EXOC6: variants seen among roughly 807,000 people sequenced by gnomAD.
EXOC6 encodes the protein exocyst complex component 6.
EXOC6 carries 60 observed loss-of-function variants against 112.5 expected under a neutral mutation model. The observed-to-expected ratio is 0.53, with a 90% CI of 0.43 to 0.66. The LOEUF (loss-of-function observed/expected upper bound fraction) is 0.66, where lower values mean the gene tolerates loss of function less well. Among genes scored for constraint, EXOC6 ranks in the 30% least tolerant of loss-of-function variants. EXOC6 has a pLI of 0.00. For synonymous variants in EXOC6, 295 were observed against 308.0 expected (o/e 0.96, Z 0.44); for missense variants, 855 against 957.1 (o/e 0.89, Z 1.41).
intron 20 of EXOC6, among the ~76,000 whole-genome samples, chr10:93,048,140 G>A (rs890352966): frequency 5.3e-5 from 8 of 152,222 alleles, no homozygotes; most frequent in Admixed American, 1.3e-4. Context: ...TGGAGGGATA[G>A]CATTAGGAGA....
chr10:92,907,614 A>G (rs1850517147), intron 5 of EXOC6, among the ~76,000 whole-genome samples: 1 of 152,242 alleles, frequency 6.6e-6, no homozygotes, highest in South Asian at 2.1e-4. Flanking sequence ...AGACATTAGC[A>G]TGAATTTTCA....
At chr10:92,854,514 A>G (rs1847506085) in intron 1 of EXOC6, among the ~76,000 whole-genome samples, 1 of 151,934 alleles carries the variant, frequency 6.6e-6, no homozygotes, top group Non-Finnish European at 1.5e-5. Flanking sequence ...CTGCTGTGGG[A>G]ATTCCATAAA....
chr10:92,921,930 T>A (rs531104857), intron 8 of EXOC6, among the ~76,000 whole-genome samples: 1 of 152,174 alleles, frequency 6.6e-6, no homozygotes, highest in African/African-American at 2.4e-5. Context: ...TAACCAAAAA[T>A]TATTTGGTAA....
intron 20 of EXOC6, among the ~76,000 whole-genome samples, chr10:93,055,491 C>T (rs1297129016): frequency 6.6e-6 from 1 of 152,144 alleles, no homozygotes; most frequent in African/African-American, 2.4e-5. Flanking sequence ...GGTTCTTAAA[C>T]ACATTGCAGA....
intron 17 of EXOC6, among the ~76,000 whole-genome samples, chr10:92,960,185 A>C (rs1853907392): frequency 6.6e-6 from 1 of 152,230 alleles, no homozygotes; most frequent in South Asian, 2.1e-4. Context: ...AGTACTAAAA[A>C]GAAATGAGCT....
At chr10:92,865,903 A>G (rs1054477633) in intron 1 of EXOC6, among the ~76,000 whole-genome samples, 6 of 152,154 alleles carry the variant, frequency 3.9e-5, no homozygotes, top group Non-Finnish European at 5.9e-5. Flanking sequence ...AGGAAGAGAA[A>G]CTATATTAAT....
intron 18 of EXOC6, among the ~76,000 whole-genome samples, chr10:92,977,844 C>T (rs1193061918): frequency 6.6e-6 from 1 of 152,150 alleles, no homozygotes; most frequent in African/African-American, 2.4e-5. Flanking sequence ...AGGTCACCTT[C>T]TAGGCTGACA....
At chr10:92,989,645 T>C (rs937912863) in intron 18 of EXOC6, among the ~76,000 whole-genome samples, 4 of 152,210 alleles carry the variant, frequency 2.6e-5, no homozygotes, top group African/African-American at 9.6e-5. Context: ...CATTTGCCCT[T>C]TTTACTCACT....
At chr10:92,975,794 G>A (rs1368879484) in intron 18 of EXOC6, among the ~76,000 whole-genome samples, 2 of 137,464 alleles carry the variant, frequency 1.5e-5, no homozygotes, top group Non-Finnish European at 3.2e-5. Context: ...GGGAGGTGGG[G>A]GGGTCAGCCC....
intron 5 of EXOC6, among the ~76,000 whole-genome samples, chr10:92,903,090 G>A (rs952880895): frequency 6.6e-6 from 1 of 151,934 alleles, no homozygotes; most frequent in African/African-American, 2.4e-5. Flanking sequence ...ATAAATGAAT[G>A]CTACACTTTT....
At chr10:92,914,226 G>A (rs943877136) in intron 6 of EXOC6, among the ~76,000 whole-genome samples, 1 of 152,144 alleles carries the variant, frequency 6.6e-6, no homozygotes, top group Admixed American at 6.5e-5. Context: ...TCTAGGTTGT[G>A]CACTCCTTAT....
intron 14 of EXOC6, among the ~76,000 whole-genome samples, chr10:92,951,560 A>G (rs1238791889): frequency 6.6e-6 from 1 of 152,206 alleles, no homozygotes; most frequent in Non-Finnish European, 1.5e-5. Context: ...TGGTACTTTC[A>G]CCGATATAAC....
chr10:93,019,091 G>A (rs1201727512), intron 20 of EXOC6, among the ~76,000 whole-genome samples: 1 of 152,014 alleles, frequency 6.6e-6, no homozygotes, highest in East Asian at 1.9e-4. Context: ...GTTAATCTAT[G>A]TATTTATTTA....
intron 9 of EXOC6, among the ~76,000 whole-genome samples, chr10:92,933,730 A>T (rs1564841867): frequency 6.6e-6 from 1 of 152,188 alleles, no homozygotes; most frequent in Non-Finnish European, 1.5e-5. Flanking sequence ...TTGGCAGAAG[A>T]TATAATCTGA....
intron 8 of EXOC6, among the ~76,000 whole-genome samples, chr10:92,926,614 G>T (rs1851740688): frequency 6.6e-6 from 1 of 151,898 alleles, no homozygotes; most frequent in South Asian, 2.1e-4. Context: ...CCTCACTGTA[G>T]CCTTGAACTC....
In EXOC6 at chr10:92,954,708, C is replaced by T; in HGVS notation, c.1605C>T (p.Asn535=). 6.3e-7 allele frequency: 1 copy of T among 1,599,876 alleles called. No homozygotes were observed. The highest frequency in any genetic ancestry group is 8.6e-7 in the Non-Finnish European group (1 of 1,168,668). Residue 535 remains asparagine, a synonymous_variant, in exon 16 of 22, where the codon AAC becomes AAT. Transcript: ENST00000260762. ...LTRTLSSCLL[N]LIRKPHIGLT... ...GAACTTTGAGTAGCTGTTTACTGAACCTTATTAGAAAACCTCATATAGGTT... is the reference window on the plus strand; with the variant it reads ...GAACTTTGAGTAGCTGTTTACTGAATCTTATTAGAAAACCTCATATAGGTT...
intron 18 of EXOC6, among the ~76,000 whole-genome samples, chr10:92,976,018 GGCCAGCCGCC>G (rs1443798673): frequency 1.3e-3 from 181 of 134,434 alleles, no homozygotes; most frequent in African/African-American, 4.9e-3. Context: ...CCCTCTGCCC[GGCCAGCCGCC>G]GCGTCCGGGA....
Position 92,912,819 on chromosome 10 carries a change from C to T in EXOC6, c.664-2939C>T, listed in dbSNP as rs999721852. On this transcript the variant is annotated intron_variant, in intron 6 of 21. Transcript: ENST00000260762. ...TAACCCTAAAGGGGCCTAGAAGAGCCGTGGCAAGATGAGGGTGTTTATAGC... is the reference window on the plus strand; with the variant it reads ...TAACCCTAAAGGGGCCTAGAAGAGCTGTGGCAAGATGAGGGTGTTTATAGC... Among the ~76,000 whole-genome samples, 15 of 152,220 alleles carry T rather than the reference C, an allele frequency of 9.9e-5. No individual in the cohort carries two copies. In the East Asian group the frequency reaches 1.2e-3, roughly 12 times the overall value.
intron 1 of EXOC6, among the ~76,000 whole-genome samples, chr10:92,870,700 G>A (rs1246080855): frequency 1.3e-5 from 2 of 151,322 alleles, no homozygotes; most frequent in East Asian, 3.9e-4. Flanking sequence ...TATATAATTA[G>A]TGTAGGTGTT....
Sources: allele counts gnomAD v4.1 joint callset (sites outside exome capture counted in the v4.1 genomes callset), GRCh38; gene constraint gnomAD v4.1.1; transcripts MANE v1.5; gene names NCBI Gene and HGNC (gene_info 2026-07-23, HGNC 2026-07-21).